DNAH7: variants seen among roughly 807,000 people sequenced by gnomAD.
DNAH7 encodes dynein axonemal heavy chain 7.
Under a neutral mutation model 444.6 loss-of-function variants are expected in DNAH7, and 397 were observed. That is an observed-to-expected ratio of 0.89 (90% CI 0.82 to 0.97). The LOEUF (loss-of-function observed/expected upper bound fraction) is 0.97, where lower values mean the gene tolerates loss of function less well. Among genes scored for constraint, DNAH7 ranks in the 50% least tolerant of loss-of-function variants. The pLI is 0.00. For missense variants in DNAH7, 4,902 were observed against 4,800.8 expected (o/e 1.02, Z -0.62); for synonymous variants, 1,636 against 1,624.4 (o/e 1.01, Z -0.17).
At chr2:195,811,337 G>C (rs1696958834) in intron 51 of DNAH7, among the ~76,000 whole-genome samples, 1 of 152,112 alleles carries the variant, frequency 6.6e-6, no homozygotes, top group Admixed American at 6.6e-5. Context: ...ATAAAAGCTG[G>C]AGACCACTTA....
At chr2:195,861,629 A>C (rs900153946) in intron 42 of DNAH7, 88 bp downstream of exon 42, 1 of 851,808 alleles carries the variant, frequency 1.2e-6, no homozygotes. Flanking sequence ...CTACGAAATA[A>C]ATCTCCATTA....
chr2:196,050,762 T>C (rs13428478), intron 3 of DNAH7, among the ~76,000 whole-genome samples: 8,511 of 152,222 alleles, frequency 0.056, 377 homozygotes, highest in African/African-American at 0.13. Context: ...AAATATTTTG[T>C]AGTACAGCAT....
intron 16 of DNAH7, among the ~76,000 whole-genome samples, chr2:195,971,476 G>A (rs966022037): frequency 1.2e-4 from 19 of 152,130 alleles, no homozygotes; most frequent in African/African-American, 3.9e-4. Flanking sequence ...ATAATTGTCC[G>A]ATAGAGATGT....
chr2:195,892,310 C>G (rs1702055923), intron 30 of DNAH7, among the ~76,000 whole-genome samples: 1 of 151,770 alleles, frequency 6.6e-6, no homozygotes, highest in African/African-American at 2.4e-5. Flanking sequence ...ATTTGCTGAC[C>G]CCTGCTACAA....
At chr2:195,932,540 C>A (rs914645699) in intron 21 of DNAH7, among the ~76,000 whole-genome samples, 2 of 152,054 alleles carry the variant, frequency 1.3e-5, no homozygotes, top group African/African-American at 4.8e-5. Flanking sequence ...CAGTATGATA[C>A]TGGCTGTGGG....
intron 41 of DNAH7, among the ~76,000 whole-genome samples, chr2:195,862,594 C>T (rs912734462): frequency 6.6e-6 from 1 of 152,180 alleles, no homozygotes; most frequent in Non-Finnish European, 1.5e-5. Flanking sequence ...TGTTATACCA[C>T]TTCCCCCCAC....
At chr2:195,844,673 C>T (rs1179894055) in intron 47 of DNAH7, among the ~76,000 whole-genome samples, 1 of 152,198 alleles carries the variant, frequency 6.6e-6, no homozygotes, top group African/African-American at 2.4e-5. Context: ...ATGCACATTT[C>T]ATTAACCTCT....
At chr2:195,943,456 T>C (rs989463897) in intron 19 of DNAH7, among the ~76,000 whole-genome samples, 18 of 152,154 alleles carry the variant, frequency 1.2e-4, no homozygotes, top group African/African-American at 4.1e-4. Flanking sequence ...TGGCAGAAAC[T>C]TGCTGTGGGA....
intron 9 of DNAH7, among the ~76,000 whole-genome samples, chr2:196,014,446 A>G (rs1290063910): frequency 6.6e-6 from 1 of 151,988 alleles, no homozygotes; most frequent in African/African-American, 2.4e-5. Context: ...AACTCTTCCT[A>G]TCCTTTATCT....
chr2:195,945,763 G>T lies in DNAH7; in HGVS notation c.3079-8971C>A, dbSNP rs551122524. On this transcript the variant is annotated intron_variant, in intron 19 of 64. Transcript: ENST00000312428. ...ATAGTGTTATATTTATTGAGATGGG[G>T]TTAGACAAGAAAAGGAAAATGTTTG... 5.9e-5 allele frequency among the ~76,000 whole-genome samples: 9 copies of T among 152,292 alleles called. No individual in the cohort carries two copies. The South Asian group carries it at 1.9e-3, about 32-fold the overall frequency.
rs911441348 is a variant in DNAH7 at position 196,007,788 on chromosome 2, C to A, written c.989+4999G>T. Among the ~76,000 whole-genome samples, 5 of 152,144 alleles carry A rather than the reference C, an allele frequency of 3.3e-5. 1 individual carries two copies. The highest frequency in any genetic ancestry group is 2.0e-4 in the Admixed American group (3 of 15,270). ...TTGCCTTCCACCATGATTGTGAGGC[C>A]TCCCCAGCCATGTGGAACTGTGAGC... On this transcript the variant is annotated intron_variant, in intron 10 of 64. Transcript: ENST00000312428.
In DNAH7 at chr2:195,864,386, A is replaced by AT. The variant is rs1700196453; in HGVS notation, c.7268dup (p.Asn2423LysfsTer7). On this transcript the variant is annotated frameshift_variant, in exon 41 of 65. Transcript: ENST00000312428. LOFTEE classifies it high-confidence loss of function. ...CTTGCTTCTCATCTAATGCAAAGAG[A>AT]TTTGGAATCTCCCCAGCATTTAGCA... 6.2e-7 allele frequency: 1 copy of AT among 1,614,148 alleles called. No homozygotes were observed. Among genetic ancestry groups the AT allele is most frequent in the Non-Finnish European group, 8.5e-7 (1 of 1,180,038 alleles).
At chr2:195,801,235 T>C (rs1379351599) in intron 54 of DNAH7, among the ~76,000 whole-genome samples, 2 of 152,176 alleles carry the variant, frequency 1.3e-5, no homozygotes, top group Non-Finnish European at 2.9e-5. Context: ...AAGACTATTA[T>C]CTAATTTCAA....
chr2:195,959,292 A>G (rs1290033621), intron 18 of DNAH7, among the ~76,000 whole-genome samples: 1 of 152,142 alleles, frequency 6.6e-6, no homozygotes, highest in Non-Finnish European at 1.5e-5. Context: ...TCTTTGCACA[A>G]GAAGACCTGA....
intron 62 of DNAH7, among the ~76,000 whole-genome samples, chr2:195,755,399 T>C (rs1317044912): frequency 3.9e-5 from 6 of 152,186 alleles, no homozygotes; most frequent in Admixed American, 3.9e-4. Flanking sequence ...GTCAGTTGAA[T>C]ACCAACTTTA....
chr2:195,984,276 TCTAGC>T (rs1326693081), intron 15 of DNAH7, among the ~76,000 whole-genome samples: 1 of 152,222 alleles, frequency 6.6e-6, no homozygotes, highest in Non-Finnish European at 1.5e-5. Context: ...ACCAGGAGCA[TCTAGC>T]CTAAATTACC....
At chr2:195,843,524 T>C (rs1698807644) in intron 47 of DNAH7, among the ~76,000 whole-genome samples, 1 of 152,210 alleles carries the variant, frequency 6.6e-6, no homozygotes, top group African/African-American at 2.4e-5. Context: ...GATACAACTT[T>C]TTATTTTTGT....
At chr2:195,738,286 T>C (rs987397046) in intron 64 of DNAH7, among the ~76,000 whole-genome samples, 159 bp from the exon 65 acceptor site, 1 of 152,202 alleles carries the variant, frequency 6.6e-6, no homozygotes, top group African/African-American at 2.4e-5. Context: ...GCTCAAAACA[T>C]TTTATAGAAC....
Position 195,987,966 on chromosome 2 carries a change from T to C in DNAH7, c.1617A>G (p.Thr539=). The change falls in exon 13 of 65, where the codon ACA becomes ACG. Residue 539 remains threonine (T), a synonymous_variant. Coordinates refer to ENST00000312428, the MANE Select transcript of DNAH7 (RefSeq NM_018897.3). ...AACTGGAGTCATTTACCTTTATGGATGTGTACTGTATTTCCTCTATTAGTT... is the reference window on the plus strand; with the variant it reads ...AACTGGAGTCATTTACCTTTATGGACGTGTACTGTATTTCCTCTATTAGTT... The part of the protein sequence containing the change: ...YQKLIEEIQY[T]SIKTIRLGMF... 1 of 1,607,164 alleles carries C rather than the reference T, an allele frequency of 6.2e-7. No individual in the cohort carries two copies. The highest frequency in any genetic ancestry group is 8.5e-7 in the Non-Finnish European group (1 of 1,176,212).
Sources: allele counts gnomAD v4.1 joint callset (sites outside exome capture counted in the v4.1 genomes callset), GRCh38; gene constraint gnomAD v4.1.1; transcripts MANE v1.5; gene names NCBI Gene and HGNC (gene_info 2026-07-23, HGNC 2026-07-21).